The following NSF variants were observed in gnomAD, a reference collection of about 807,000 sequenced individuals.
The protein encoded by NSF is N-ethylmaleimide sensitive factor, vesicle fusing ATPase.
Under a neutral mutation model 50.3 loss-of-function variants are expected in NSF, and 14 were observed. That is an observed-to-expected ratio of 0.28 (90% CI 0.18 to 0.44). NSF has a LOEUF of 0.44. Among genes scored for constraint, NSF ranks in the 20% least tolerant of loss-of-function variants. The pLI, the probability that NSF is intolerant of heterozygous loss-of-function variation, is 1.00. For missense variants in NSF, 218 were observed against 504.3 expected (o/e 0.43, Z 5.44); for synonymous variants, 109 against 175.7 (o/e 0.62, Z 3.00).
chr17:46,678,814 A>G (rs1287087682), intron 9 of NSF, among the ~76,000 whole-genome samples: 4 of 132,144 alleles, frequency 3.0e-5, no homozygotes, highest in Non-Finnish European at 3.2e-5. Flanking sequence ...CTGTCTTCTC[A>G]ATAGAAATGA....
chr17:46,743,023 C>T (rs2059091678), intron 17 of NSF, among the ~76,000 whole-genome samples: 1 of 152,182 alleles, frequency 6.6e-6, no homozygotes, highest in Non-Finnish European at 1.5e-5. Flanking sequence ...GCTGCCTCTC[C>T]CTGAGGCCCC....
intron 4 of NSF, among the ~76,000 whole-genome samples, chr17:46,634,526 T>C (rs2058164819): frequency 8.4e-6 from 1 of 118,980 alleles, no homozygotes; most frequent in Non-Finnish European, 1.9e-5. Flanking sequence ...CTACTAAAAA[T>C]ACAAAAATTC....
chr17:46,722,255 T>C (rs1004564297), intron 15 of NSF: 1 of 1,109,246 alleles, frequency 9.0e-7, no homozygotes, highest in Non-Finnish European at 1.4e-6. Context: ...ATTCTTAAGA[T>C]TAATTTTGGG....
chr17:46,741,884 G>T (rs1376577027), intron 17 of NSF, among the ~76,000 whole-genome samples: 1 of 152,212 alleles, frequency 6.6e-6, no homozygotes, highest in Non-Finnish European at 1.5e-5. Context: ...TCCTGCCTCA[G>T]CCTCCTTAGT....
intron 19 of NSF, among the ~76,000 whole-genome samples, chr17:46,753,585 C>A (rs1568064159): frequency 6.6e-6 from 1 of 151,170 alleles, no homozygotes; most frequent in African/African-American, 2.4e-5. Context: ...TTGTCAGCTT[C>A]TTTTTTTTTA....
chr17:46,731,184 C>T (rs535447345), intron 17 of NSF, among the ~76,000 whole-genome samples: 1 of 152,164 alleles, frequency 6.6e-6, no homozygotes, highest in East Asian at 1.9e-4. Context: ...CCATTACATA[C>T]TACAACATGA....
At chr17:46,635,697 C>A (rs79456607) in intron 4 of NSF, among the ~76,000 whole-genome samples, 86,106 of 89,212 alleles carry the variant, frequency 0.97, 42,002 homozygotes, top group East Asian at 1. Context: ...AGGTTGCTTA[C>A]GAGAGCTGCT....
In NSF at chr17:46,756,613, T is replaced by C. The variant is rs1211169656; in HGVS notation, c.*790T>C. On this transcript the variant is annotated 3_prime_UTR_variant, in exon 21 of 21. Transcript: ENST00000398238. Reference sequence around the variant, plus strand: ...CCCAAACAGAAAGGAGTTATTAAAGTAATTTACAAACCTCTCAGCACTAAT... The same window carrying C: ...CCCAAACAGAAAGGAGTTATTAAAGCAATTTACAAACCTCTCAGCACTAAT... 6.6e-6 allele frequency: 1 copy of C among 152,644 alleles called. No homozygotes were observed. The highest frequency in any genetic ancestry group is 1.9e-4 in the East Asian group (1 of 5,204). The allele number at this position is 152,644 out of a possible 1,614,324, so 9.5% of individuals were successfully genotyped here.
intron 16 of NSF, among the ~76,000 whole-genome samples, chr17:46,727,119 T>A (rs1175972724): frequency 6.6e-6 from 1 of 152,168 alleles, no homozygotes; most frequent in African/African-American, 2.4e-5. Context: ...ACAGAGTAAT[T>A]GTGAAGACAA....
intron 15 of NSF, among the ~76,000 whole-genome samples, chr17:46,717,962 A>C (rs2058790487): frequency 6.6e-6 from 1 of 152,202 alleles, no homozygotes; most frequent in Non-Finnish European, 1.5e-5. Flanking sequence ...TGCTGGGAGA[A>C]CATCCATTGC....
intron 18 of NSF, among the ~76,000 whole-genome samples, chr17:46,750,715 G>A (rs1195441389): frequency 2.6e-5 from 4 of 152,112 alleles, no homozygotes; most frequent in African/African-American, 7.2e-5. Context: ...ACTTGGACCA[G>A]AAACTTGAAT....
At chr17:46,734,422 T>G (rs1223062721) in intron 17 of NSF, among the ~76,000 whole-genome samples, 1 of 152,166 alleles carries the variant, frequency 6.6e-6, no homozygotes, top group Non-Finnish European at 1.5e-5. Flanking sequence ...CTTGACAGTT[T>G]AGTGGCCTTC....
chr17:46,737,649 AG>A (rs1291297270), intron 17 of NSF, among the ~76,000 whole-genome samples: 6 of 151,862 alleles, frequency 4.0e-5, no homozygotes, highest in Non-Finnish European at 5.9e-5. Flanking sequence ...GTCACAATCC[AG>A]GGTGGGAGAA....
chr17:46,756,874 A>T lies in NSF; in HGVS notation c.*1051A>T, dbSNP rs191626523. 1.0e-4 allele frequency: 16 copies of T among 152,512 alleles called. No individual in the cohort carries two copies. In the East Asian group the frequency reaches 3.1e-3, roughly 29 times the overall value. 9.4% of individuals were successfully genotyped at this position (152,512 alleles called of 1,614,324 possible). ...AACACATTTCCTTTACCCTCCACAC[A>T]CTTCTTCCAAAAGGAAGCACCCGTT... On this transcript the variant is annotated 3_prime_UTR_variant, in exon 21 of 21. Transcript: ENST00000398238.
At chr17:46,622,416 C>A (rs1311302377) in intron 1 of NSF, among the ~76,000 whole-genome samples, 6 of 150,088 alleles carry the variant, frequency 4.0e-5, no homozygotes, top group African/African-American at 1.2e-4. Context: ...CGATATCGCA[C>A]CAGGGCAGTC....
chr17:46,721,458 A>T, intron 15 of NSF: 1 of 643,902 alleles, frequency 1.6e-6, no homozygotes, highest in East Asian at 2.7e-5. Flanking sequence ...TAACTTTAAG[A>T]CCCTATATAT....
intron 17 of NSF, among the ~76,000 whole-genome samples, chr17:46,738,949 A>C (rs554858844): frequency 6.6e-6 from 1 of 152,128 alleles, no homozygotes; most frequent in South Asian, 2.1e-4. Flanking sequence ...TAAAAATACA[A>C]AAAAGTCCAG....
intron 17 of NSF, among the ~76,000 whole-genome samples, chr17:46,738,796 C>A (rs2059035968): frequency 6.6e-6 from 1 of 152,268 alleles, no homozygotes. Context: ...ATGAGCTGTT[C>A]ATACAGTAAG....
At chr17:46,657,393 G>T (rs1460540044) in intron 8 of NSF, among the ~76,000 whole-genome samples, 1 of 152,242 alleles carries the variant, frequency 6.6e-6, no homozygotes, top group Non-Finnish European at 1.5e-5. Flanking sequence ...AATAGACAAG[G>T]TTTCAAGAGA....
Sources: gnomAD v4.1 joint callset for allele counts (sites outside exome capture counted in the v4.1 genomes callset) on GRCh38, gnomAD v4.1.1 for gene constraint, MANE v1.5 for transcripts, NCBI Gene and HGNC (gene_info 2026-07-23, HGNC 2026-07-21) for gene names.